NIBAN2: variants seen among roughly 807,000 people sequenced by gnomAD.
NIBAN2 encodes the protein niban apoptosis regulator 2.
Under a neutral mutation model 81.8 loss-of-function variants are expected in NIBAN2, and 36 were observed. The ratio of observed to expected loss-of-function variants is 0.44; its 90% CI spans 0.34 to 0.58. NIBAN2 has a LOEUF of 0.58. Among genes scored for constraint, NIBAN2 ranks in the 20% least tolerant of loss-of-function variants. The pLI, the probability that NIBAN2 is intolerant of heterozygous loss-of-function variation, is 0.02. For synonymous variants in NIBAN2, 445 were observed against 441.6 expected (o/e 1.01, Z -0.10); for missense variants, 897 against 1,014.1 (o/e 0.88, Z 1.57).
At chr9:127,509,341 A>G (rs923157482) in intron 9 of NIBAN2, among the ~76,000 whole-genome samples, 1 of 152,110 alleles carries the variant, frequency 6.6e-6, no homozygotes, top group Non-Finnish European at 1.5e-5. Flanking sequence ...GGCGCAGTCC[A>G]GTGGCACAGC....
In NIBAN2 at chr9:127,534,096, G is replaced by A. The variant is rs181452678; in HGVS notation, c.56-2318C>T. ...TCCTGGTCCTAAGAAGCTGCAGCTCGCGTCCCAACTGGGATTTGTGCTGGC... is the reference window on the plus strand; with the variant it reads ...TCCTGGTCCTAAGAAGCTGCAGCTCACGTCCCAACTGGGATTTGTGCTGGC... On this transcript the variant is annotated intron_variant, in intron 1 of 13. Transcript: ENST00000373312. Among the ~76,000 whole-genome samples the A allele has an allele frequency of 4.6e-5, 7 of 152,332 alleles. No individual in the cohort carries two copies. The East Asian group carries it at 7.7e-4, about 17-fold the overall frequency.
In NIBAN2 at chr9:127,507,107, C is replaced by A. The variant is rs764477616; in HGVS notation, c.1979G>T (p.Gly660Val). 1.9e-6 allele frequency: 3 copies of A among 1,585,582 alleles called. No individual in the cohort carries two copies. The highest frequency in any genetic ancestry group is 2.3e-5 in the South Asian group (2 of 88,346). Residue 660 changes from glycine (G) to valine (V), a missense_variant, in exon 14 of 14, where the codon GGT (glycine) becomes GTT (valine). By Grantham distance (109) the Gly-to-Val change is moderately radical (BLOSUM62 -3). Coordinates refer to ENST00000373312, the MANE Select transcript of NIBAN2 (RefSeq NM_022833.4). This position sits in a 1 kb window ranked among gnomAD's most constrained non-coding sequence, Gnocchi z 6.8. ...VTEIRGLLAQ[G>V]LRPESPPPAG... ...TGGTGGGGGGCTCTCAGGCCGCAGACCTTGGGCCAGCAGGCCTCGGATCTC... is the reference window on the plus strand; with the variant it reads ...TGGTGGGGGGCTCTCAGGCCGCAGAACTTGGGCCAGCAGGCCTCGGATCTC...
At position 127,565,946 on chromosome 9, in the gene NIBAN2, T is replaced by TCTCA. The variant is rs751937125; in HGVS notation, c.55+2873_55+2874insTGAG. Among the ~76,000 whole-genome samples, 1,066 of 130,588 alleles carry TCTCA rather than the reference T, an allele frequency of 8.2e-3. 9 individuals are homozygous for TCTCA. The highest frequency in any genetic ancestry group is 0.02 in the African/African-American group (623 of 31,080). The allele number at this position is 130,588 out of a possible 152,430, so 85.7% of individuals were successfully genotyped here. A position where few individuals can be genotyped will look rare whatever the true frequency, so the allele number is the denominator to read the frequency against. Reference sequence around the variant, plus strand: ...GAGACCCTGTCTCTCTCTCTCTCTCTCACACACACACACACACACACACAC... The same window carrying TCTCA: ...GAGACCCTGTCTCTCTCTCTCTCTCTCTCACACACACACACACACACACACACAC... On this transcript the variant is annotated intron_variant, in intron 1 of 13. Coordinates refer to ENST00000373312, the MANE Select transcript of NIBAN2 (RefSeq NM_022833.4).
chr9:127,575,487 A>G (rs1837998103), intron 1 of NIBAN2, among the ~76,000 whole-genome samples: 1 of 149,254 alleles, frequency 6.7e-6, no homozygotes, highest in South Asian at 2.1e-4. Context: ...CAGCTTCCCA[A>G]AGTGCTGGGA....
In NIBAN2 at chr9:127,523,810, T is replaced by G. The variant is rs1300814996; in HGVS notation, c.458A>C (p.Lys153Thr). Residue 153 changes from lysine to threonine, a missense_variant, in exon 5 of 14, where the codon AAG becomes ACG. Coordinates refer to ENST00000373312, the MANE Select transcript of NIBAN2 (RefSeq NM_022833.4). ...TAKSGSAPIL[K>T]CPTQFPLILW... ...GATGAGCGGGAACTGTGTGGGGCAC[T>G]TGAGGATGGGGGCACTGCCCGACTT... 6.2e-7 allele frequency: 1 copy of G among 1,613,334 alleles called. No homozygotes were observed. The highest frequency in any genetic ancestry group is 1.1e-5 in the South Asian group (1 of 91,074).
At chr9:127,519,665 T>TGA (rs1836899237) in intron 5 of NIBAN2, among the ~76,000 whole-genome samples, 1 of 152,230 alleles carries the variant, frequency 6.6e-6, no homozygotes, top group Admixed American at 6.5e-5. Flanking sequence ...ACAGCGCAGC[T>TGA]GCCTGGATGG....
chr9:127,524,101 CCA>C (rs1436545897), intron 4 of NIBAN2, among the ~76,000 whole-genome samples: 2 of 152,194 alleles, frequency 1.3e-5, no homozygotes, highest in East Asian at 3.8e-4. Context: ...CACATCCACC[CCA>C]CTCTTGGGTT....
chr9:127,507,731 G>T lies in NIBAN2; in HGVS notation c.1654+136C>A. On this transcript the variant is annotated intron_variant, in intron 13 of 13. Coordinates refer to ENST00000373312, the MANE Select transcript of NIBAN2 (RefSeq NM_022833.4). This position sits in a 1 kb window ranked among gnomAD's most constrained non-coding sequence, Gnocchi z 6.8. Reference sequence around the variant, plus strand: ...TGCTCCGGAGGCCACACAGCGAAGAGTGGGCTTCACCCAGACCCCAGGTGC... The same window carrying T: ...TGCTCCGGAGGCCACACAGCGAAGATTGGGCTTCACCCAGACCCCAGGTGC... 1.2e-6 allele frequency: 1 copy of T among 805,474 alleles called. No homozygotes were observed. Among genetic ancestry groups the T allele is most frequent in the Non-Finnish European group, 2.1e-6 (1 of 480,458 alleles). The allele number at this position is 805,474 out of a possible 1,614,324, so 49.9% of individuals were successfully genotyped here. A position where few individuals can be genotyped will look rare whatever the true frequency, so the allele number is the denominator to read the frequency against.
chr9:127,520,832 C>T (rs1836926238), intron 5 of NIBAN2, among the ~76,000 whole-genome samples: 1 of 151,884 alleles, frequency 6.6e-6, no homozygotes, highest in South Asian at 2.1e-4. Flanking sequence ...TGCAGTGAGC[C>T]GAGATTGCGC....
chr9:127,570,512 T>C (rs1193542923), upstream of NIBAN2, among the ~76,000 whole-genome samples: 1 of 152,150 alleles, frequency 6.6e-6, no homozygotes. Flanking sequence ...TTAAATGATA[T>C]CACAAAGTGC....
intron 3 of NIBAN2, among the ~76,000 whole-genome samples, chr9:127,526,176 C>T (rs747755918): frequency 1.3e-5 from 2 of 151,910 alleles, no homozygotes; most frequent in African/African-American, 2.4e-5. Flanking sequence ...CCGAGGTGGG[C>T]AGATCATGAG....
chr9:127,568,285 C>T (rs1351111098), intron 1 of NIBAN2, among the ~76,000 whole-genome samples: 3 of 152,198 alleles, frequency 2.0e-5, no homozygotes, highest in African/African-American at 7.2e-5. Flanking sequence ...CCCCATCGAT[C>T]CCTGGCCCCA....
At chr9:127,546,013 C>G (rs533766518) in intron 1 of NIBAN2, among the ~76,000 whole-genome samples, 2 of 152,282 alleles carry the variant, frequency 1.3e-5, no homozygotes, top group South Asian at 4.1e-4. Context: ...GGTGCCGAGG[C>G]CCCCAGCAGC....
Position 127,507,370 on chromosome 9 carries a change from G to A in NIBAN2, c.1716C>T (p.His572=), listed in dbSNP as rs1350265865. The A allele has an allele frequency of 1.3e-6, 2 of 1,531,872 alleles. No homozygotes were observed. Among genetic ancestry groups the A allele is most frequent in the East Asian group, 2.3e-5 (1 of 44,080 alleles). The allele number at this position is 1,531,872 out of a possible 1,614,324, so 94.9% of individuals were successfully genotyped here. Residue 572 remains histidine, a synonymous_variant, in exon 14 of 14, where the codon CAC becomes CAT. Coordinates refer to ENST00000373312, the MANE Select transcript of NIBAN2 (RefSeq NM_022833.4). This position sits in a 1 kb window ranked among gnomAD's most constrained non-coding sequence, Gnocchi z 6.8. ...GCAGGTGCAGGTTGGGGTCGCTGTT[G>A]TGCATGACCATGCTGTCCCGGTAGA... The part of the protein sequence containing the change: ...HNLYRDSMVM[H]NSDPNLHLLA...
At chr9:127,575,819 G>A (rs57342965) in intron 1 of NIBAN2, among the ~76,000 whole-genome samples, 6,447 of 152,184 alleles carry the variant, frequency 0.042, 218 homozygotes, top group African/African-American at 0.086. Context: ...GTGAGCCACC[G>A]TGCCTGGCTG....
intron 8 of NIBAN2, among the ~76,000 whole-genome samples, chr9:127,515,531 A>AAC (rs1476331324): frequency 2.9e-5 from 2 of 67,946 alleles, no homozygotes; most frequent in African/African-American, 9.7e-5. Flanking sequence ...AAAAAAAAAA[A>AAC]AAAAAAAACA....
Position 127,553,744 on chromosome 9 carries a change from T to C in NIBAN2, c.55+15076A>G, listed in dbSNP as rs1288870328. Among the ~76,000 whole-genome samples, 3 of 152,192 alleles carry C rather than the reference T, an allele frequency of 2.0e-5. No individual in the cohort carries two copies. The East Asian group carries it at 5.8e-4, about 29-fold the overall frequency. ...GAGCTCTGTCTGGCCTGGAGCCCTATCTTGCTCAGTTGCCCAGGCTGGAGA... is the reference window on the plus strand; with the variant it reads ...GAGCTCTGTCTGGCCTGGAGCCCTACCTTGCTCAGTTGCCCAGGCTGGAGA... On this transcript the variant is annotated intron_variant, in intron 1 of 13. Transcript: ENST00000373312.
At chr9:127,568,777 T>C in intron 1 of NIBAN2, 43 bp downstream of exon 1, 1 of 1,253,988 alleles carries the variant, frequency 8.0e-7, no homozygotes, top group South Asian at 2.7e-5. Context: ...GTCCGGGGGT[T>C]CCGGCAGGCC....
At chr9:127,527,099 CGGTG>C in intron 3 of NIBAN2, 91 bp downstream of exon 3, 1 of 1,493,192 alleles carries the variant, frequency 6.7e-7, no homozygotes, top group Non-Finnish European at 9.2e-7. Context: ...CAGGCTGTGA[CGGTG>C]GCGTCTGGGG....
Sources: allele counts gnomAD v4.1 joint callset (sites outside exome capture counted in the v4.1 genomes callset), GRCh38; gene constraint gnomAD v4.1.1; non-coding constraint Gnocchi (gnomAD v3.1); transcripts MANE v1.5; gene names NCBI Gene and HGNC (gene_info 2026-07-23, HGNC 2026-07-21).